YAP1: variants seen among roughly 807,000 people sequenced by gnomAD.
The protein encoded by YAP1 is transcriptional coactivator YAP1.
YAP1 carries 5 observed loss-of-function variants against 56.9 expected under a neutral mutation model. That is an observed-to-expected ratio of 0.09 (90% CI 0.05 to 0.18). The LOEUF is 0.18. YAP1 is among the 10% of genes least tolerant of loss of function. The probability of loss-of-function intolerance (pLI) is 1.00; values close to 1 mark genes in which losing one functional copy is unlikely to be tolerated. For synonymous variants in YAP1, 265 were observed against 248.1 expected, an observed-to-expected ratio of 1.07 and a Z score of -0.64; for missense variants, 539 against 651.8, an observed-to-expected ratio of 0.83 and a Z score of 1.88.
At chr11:102,150,750 A>G (rs1179614744) in intron 2 of YAP1, among the ~76,000 whole-genome samples, 2 of 150,688 alleles carry the variant, frequency 1.3e-5, no homozygotes, top group Non-Finnish European at 1.5e-5. Flanking sequence ...AACCTTGTCA[A>G]AAAATTTTTA....
Position 102,205,869 on chromosome 11 carries a change from AT to A in YAP1, c.803-14del, listed in dbSNP as rs541668231. On this transcript the variant is annotated intron_variant, in intron 4 of 8. Coordinates refer to ENST00000282441, the MANE Select transcript of YAP1 (RefSeq NM_001130145.3). ...TTCCTTCACTAGTTTTTTAGGACAG[AT>A]TTTTTTTTTCTTTTCATTTCAGCCA... The A allele has an allele frequency of 1.9e-3, 2,664 of 1,396,136 alleles. 32 individuals carry two copies. The South Asian group carries it at 0.031, about 16-fold the overall frequency. 86.5% of individuals were successfully genotyped at this position (1,396,136 alleles called of 1,614,324 possible).
chr11:102,130,412 A>G (rs914424083), intron 2 of YAP1, among the ~76,000 whole-genome samples: 5 of 151,962 alleles, frequency 3.3e-5, no homozygotes, highest in African/African-American at 4.8e-5. Context: ...TGATTGATTG[A>G]TTGATTGATT....
At chr11:102,183,739 T>TGTGTGTGTG (rs1565241068) in intron 3 of YAP1, among the ~76,000 whole-genome samples, 17 of 150,638 alleles carry the variant, frequency 1.1e-4, no homozygotes, top group South Asian at 4.2e-4. Flanking sequence ...TGTGTGTGTG[T>TGTGTGTGTG]TTAAACCACA....
intron 4 of YAP1, 86 bp from the exon 5 acceptor site, chr11:102,205,807 C>A: frequency 7.5e-7 from 1 of 1,336,984 alleles, no homozygotes; most frequent in Non-Finnish European, 9.8e-7. Flanking sequence ...ATCGAATATC[C>A]CAAATTGCTT....
intron 4 of YAP1, among the ~76,000 whole-genome samples, chr11:102,195,176 A>G (rs1451277147): frequency 6.6e-6 from 1 of 152,246 alleles, no homozygotes; most frequent in Non-Finnish European, 1.5e-5. Flanking sequence ...AAAGCTAATT[A>G]GAACACGTTC....
chr11:102,158,574 C>G (rs2135383416), intron 2 of YAP1, among the ~76,000 whole-genome samples: 1 of 152,312 alleles, frequency 6.6e-6, no homozygotes, highest in East Asian at 1.9e-4. Flanking sequence ...GGCCCACACT[C>G]TTGAATAGCA....
At chr11:102,177,484 G>A (rs927146872) in intron 3 of YAP1, among the ~76,000 whole-genome samples, 2 of 152,032 alleles carry the variant, frequency 1.3e-5, no homozygotes, top group African/African-American at 2.4e-5. Context: ...ATCGAGACCA[G>A]CCTGGCCAAC....
intron 2 of YAP1, among the ~76,000 whole-genome samples, chr11:102,120,360 G>C (rs1943574034): frequency 6.6e-6 from 1 of 152,218 alleles, no homozygotes; most frequent in African/African-American, 2.4e-5. Flanking sequence ...AGCATGAGAA[G>C]AATCATAATT....
chr11:102,135,469 G>A (rs192530916), intron 2 of YAP1, among the ~76,000 whole-genome samples: 2 of 152,326 alleles, frequency 1.3e-5, no homozygotes, highest in East Asian at 3.9e-4. Context: ...CTTTGATGTG[G>A]ATGGCTGGAA....
intron 4 of YAP1, among the ~76,000 whole-genome samples, chr11:102,202,215 A>G (rs1222577521): frequency 1.3e-5 from 2 of 151,390 alleles, no homozygotes; most frequent in African/African-American, 2.4e-5. Context: ...GCTGGAGTGC[A>G]GTGGCGCGGT....
Position 102,205,974 on chromosome 11 carries a change from T to G in YAP1, c.884T>G (p.Met295Arg). 1 of 1,613,620 alleles carries G rather than the reference T, an allele frequency of 6.2e-7. No homozygotes were observed. Among genetic ancestry groups the G allele is most frequent in the Non-Finnish European group, 8.5e-7 (1 of 1,179,908 alleles). ...CCCCAGAGCCCACAGGGAGGCGTCA[T>G]GGGTGGCAGCAACTCCAACCAGCAG... is the stretch of plus-strand genomic sequence containing the variant. ...LAPQSPQGGV[M>R]GGSNSNQQQQ... Residue 295 changes from methionine (M) to arginine (R), a missense_variant, in exon 5 of 9, where the codon ATG becomes AGG. By Grantham distance (91) the Met-to-Arg change is moderately conservative. Coordinates refer to ENST00000282441, the MANE Select transcript of YAP1 (RefSeq NM_001130145.3).
At chr11:102,176,256 T>G (rs529754822) in intron 3 of YAP1, among the ~76,000 whole-genome samples, 1 of 152,146 alleles carries the variant, frequency 6.6e-6, no homozygotes, top group Non-Finnish European at 1.5e-5. Context: ...TTCCCTATAG[T>G]CTAGGGCAGA....
intron 2 of YAP1, among the ~76,000 whole-genome samples, chr11:102,161,875 A>G (rs1387470910): frequency 6.6e-6 from 1 of 152,228 alleles, no homozygotes; most frequent in Non-Finnish European, 1.5e-5. Flanking sequence ...TATGTAGAAA[A>G]TGTTCAGCAA....
chr11:102,187,434 C>T (rs1254435686), intron 4 of YAP1, among the ~76,000 whole-genome samples: 1 of 152,022 alleles, frequency 6.6e-6, no homozygotes, highest in Admixed American at 6.6e-5. Flanking sequence ...TTGAATTAGC[C>T]CTTGTGATTG....
rs1251435165 is a variant in YAP1 at position 102,187,312 on chromosome 11, AG to A, written c.802+1182del. Among the ~76,000 whole-genome samples, 5 of 152,344 alleles carry A rather than the reference AG, an allele frequency of 3.3e-5. No homozygotes were observed. In the East Asian group the frequency reaches 5.8e-4, roughly 18 times the overall value. Reference sequence around the variant, plus strand: ...ATCAGGGCAGTGATGTCATTTTGACAGATAACCGGTTTGGCTTAAATACTGT... The same window carrying A: ...ATCAGGGCAGTGATGTCATTTTGACAATAACCGGTTTGGCTTAAATACTGT... On this transcript the variant is annotated intron_variant, in intron 4 of 8. Coordinates refer to ENST00000282441, the MANE Select transcript of YAP1 (RefSeq NM_001130145.3).
intron 3 of YAP1, among the ~76,000 whole-genome samples, chr11:102,185,191 T>A (rs1280148582): frequency 6.6e-6 from 1 of 152,214 alleles, no homozygotes; most frequent in East Asian, 1.9e-4. Context: ...AAGAATTATG[T>A]TTGAATACTT....
intron 6 of YAP1, among the ~76,000 whole-genome samples, chr11:102,215,644 T>A (rs1208800399): frequency 2.0e-5 from 3 of 151,982 alleles, no homozygotes; most frequent in African/African-American, 7.2e-5. Flanking sequence ...CCCAGCTAAT[T>A]TTTTTTGTAT....
At position 102,161,053 on chromosome 11, in the gene YAP1, CTTTTTTTT is replaced by C. The variant is rs67023819; in HGVS notation, c.573-1385_573-1378del. Among the ~76,000 whole-genome samples, 563 of 75,544 alleles carry C rather than the reference CTTTTTTTT, an allele frequency of 7.5e-3. 4 individuals carry two copies. Among genetic ancestry groups the C allele is most frequent in the Admixed American group, 0.053 (280 of 5,276 alleles). 49.6% of individuals were successfully genotyped at this position (75,544 alleles called of 152,430 possible). ...GGCCAGTGTCACCAATAATTTCTTT[CTTTTTTTT>C]TTTTTTTTTTTTTTTTTGAGATGGA... is the stretch of plus-strand genomic sequence containing the variant. On this transcript the variant is annotated intron_variant, in intron 2 of 8. Coordinates refer to ENST00000282441, the MANE Select transcript of YAP1 (RefSeq NM_001130145.3).
intron 3 of YAP1, among the ~76,000 whole-genome samples, chr11:102,174,772 T>C (rs1260042670): frequency 1.3e-5 from 2 of 152,084 alleles, no homozygotes; most frequent in Admixed American, 6.6e-5. Context: ...TCTCTACTTC[T>C]TGAGTCTGTT....
Sources: gnomAD v4.1 joint callset for allele counts (sites outside exome capture counted in the v4.1 genomes callset) on GRCh38, gnomAD v4.1.1 for gene constraint, MANE v1.5 for transcripts, NCBI Gene and HGNC (gene_info 2026-07-23, HGNC 2026-07-21) for gene names.